Variants in C8A observed in about 807,000 individuals in gnomAD.
C8A encodes complement C8 alpha chain.
A neutral mutation model predicts 65.3 loss-of-function variants in C8A; 67 were observed. The observed-to-expected ratio is 1.03, with a 90% CI of 0.84 to 1.26. C8A has a LOEUF of 1.26. C8A is among the 50% of genes most tolerant of loss of function. The probability of loss-of-function intolerance (pLI) is 0.00; values close to 1 mark genes in which losing one functional copy is unlikely to be tolerated. For missense variants in C8A, 781 were observed against 723.9 expected (o/e 1.08, Z -0.90); for synonymous variants, 290 against 259.4 (o/e 1.12, Z -1.13).
rs1042194900 is a variant in C8A, at chr1:56,907,950, T to C, written c.1223-6T>C. ...GAGTTAATGCAGTTTATCCTCTTGA[T>C]GGCAGAAAGGGCCAGGAAGGCCATG... On this transcript the variant is annotated splice_polypyrimidine_tract_variant and splice_region_variant and intron_variant, in intron 8 of 10. Coordinates refer to ENST00000361249, the MANE Select transcript of C8A (RefSeq NM_000562.3). 2.5e-6 allele frequency: 4 copies of C among 1,614,030 alleles called. No homozygotes were observed. The highest frequency in any genetic ancestry group is 1.3e-5 in the African/African-American group (1 of 74,922).
chr1:56,879,940 C>G (rs372985076), intron 4 of C8A, among the ~76,000 whole-genome samples: 1 of 152,080 alleles, frequency 6.6e-6, no homozygotes, highest in African/African-American at 2.4e-5. Context: ...ACAATCATGA[C>G]GATCGCTATG....
intron 10 of C8A, among the ~76,000 whole-genome samples, chr1:56,917,264 T>C (rs1460306843): frequency 6.6e-6 from 1 of 152,218 alleles, no homozygotes; most frequent in African/African-American, 2.4e-5. Flanking sequence ...GGCAACAGGA[T>C]GGCCTTCCCT....
At chr1:56,868,666 T>C (rs1644114960) in intron 2 of C8A, among the ~76,000 whole-genome samples, 1 of 152,098 alleles carries the variant, frequency 6.6e-6, no homozygotes, top group Admixed American at 6.6e-5. Context: ...CTAGTCTGTT[T>C]TATTATTGTT....
intron 4 of C8A, among the ~76,000 whole-genome samples, chr1:56,880,107 A>G (rs1306849052): frequency 6.6e-6 from 1 of 152,188 alleles, no homozygotes; most frequent in East Asian, 1.9e-4. Flanking sequence ...TAACTACATT[A>G]TCTGCAACAT....
At chr1:56,859,789 C>T (rs1432516033) in intron 1 of C8A, among the ~76,000 whole-genome samples, 6 of 152,140 alleles carry the variant, frequency 3.9e-5, no homozygotes, top group Non-Finnish European at 4.4e-5. Flanking sequence ...ATTGTGGGTG[C>T]GGTGGCTCAC....
intron 6 of C8A, among the ~76,000 whole-genome samples, chr1:56,883,994 A>G (rs895610745): frequency 6.6e-6 from 1 of 151,466 alleles, no homozygotes; most frequent in Non-Finnish European, 1.5e-5. Flanking sequence ...AAACAGCCAG[A>G]CCCTCTAAAT....
At chr1:56,915,599 C>T (rs1025401927) in intron 10 of C8A, among the ~76,000 whole-genome samples, 7 of 152,172 alleles carry the variant, frequency 4.6e-5, no homozygotes, top group African/African-American at 1.7e-4. Flanking sequence ...ATAACTAAGC[C>T]TTATTAGTAA....
Position 56,906,771 on chromosome 1 carries a change from A to C in C8A, c.1201A>C (p.Lys401Gln), listed in dbSNP as rs779589404. 6.2e-7 allele frequency: 1 copy of C among 1,614,134 alleles called. No homozygotes were observed. The highest frequency in any genetic ancestry group is 8.5e-7 in the Non-Finnish European group (1 of 1,179,986). The change falls in exon 8 of 11, where the codon AAA becomes CAA. Residue 401 changes from lysine to glutamine, a missense_variant. By Grantham distance (53) the Lys-to-Gln change is moderately conservative. Transcript: ENST00000361249. ...AGGTTTATCAGGAGACCATTGTAAA[A>C]AATTTGGAGGTGGCAAAACTGGCAA... Reference protein sequence around the residue: ...GGGLSGDHCKKFGGGKTERAR... With the variant: ...GGGLSGDHCKQFGGGKTERAR...
chr1:56,865,688 A>G (rs1644079044), intron 1 of C8A, among the ~76,000 whole-genome samples: 1 of 152,226 alleles, frequency 6.6e-6, no homozygotes, highest in African/African-American at 2.4e-5. Flanking sequence ...TAAAAAATGC[A>G]GAGACCCTAT....
intron 10 of C8A, among the ~76,000 whole-genome samples, chr1:56,913,435 G>A (rs1348470277): frequency 6.6e-6 from 1 of 152,194 alleles, no homozygotes; most frequent in African/African-American, 2.4e-5. Flanking sequence ...TGAACCAACT[G>A]GTACCAGGGA....
At chr1:56,880,043 T>C (rs1644235574) in intron 4 of C8A, among the ~76,000 whole-genome samples, 1 of 152,190 alleles carries the variant, frequency 6.6e-6, no homozygotes, top group African/African-American at 2.4e-5. Flanking sequence ...GAAGGCAACA[T>C]TTGAGTTGGC....
intron 1 of C8A, among the ~76,000 whole-genome samples, chr1:56,858,695 A>G (rs1029574244): frequency 6.6e-6 from 1 of 152,230 alleles, no homozygotes; most frequent in African/African-American, 2.4e-5. Flanking sequence ...GTATTCAGGA[A>G]ACATGAATTT....
At chr1:56,916,973 G>T (rs978161147) in intron 10 of C8A, among the ~76,000 whole-genome samples, 1 of 152,152 alleles carries the variant, frequency 6.6e-6, no homozygotes. Flanking sequence ...CTCCAGGGAG[G>T]TGTCTGGCCA....
intron 7 of C8A, 125 bp from the exon 8 acceptor site, chr1:56,906,542 G>T: frequency 2.9e-6 from 3 of 1,045,362 alleles, no homozygotes; most frequent in Non-Finnish European, 4.4e-6. Flanking sequence ...AAAGAACCGG[G>T]CTTTCAACCC....
At chr1:56,916,604 C>T (rs1222595311) in intron 10 of C8A, among the ~76,000 whole-genome samples, 1 of 152,104 alleles carries the variant, frequency 6.6e-6, no homozygotes, top group African/African-American at 2.4e-5. Flanking sequence ...CTCAGAGCTG[C>T]CCCAGCAGAG....
intron 7 of C8A, among the ~76,000 whole-genome samples, chr1:56,894,673 C>T (rs1288977664): frequency 6.6e-6 from 1 of 152,178 alleles, no homozygotes; most frequent in East Asian, 1.9e-4. Flanking sequence ...TCCTCTTCCT[C>T]CTCCCTCCCT....
chr1:56,895,631 A>G (rs1644382248), intron 7 of C8A, among the ~76,000 whole-genome samples: 1 of 152,200 alleles, frequency 6.6e-6, no homozygotes, highest in Non-Finnish European at 1.5e-5. Context: ...TGTCACACAA[A>G]GTGTAGTTAA....
chr1:56,912,544 C>A lies in C8A; in HGVS notation c.1522C>A (p.Pro508Thr), dbSNP rs926368368. 1 of 1,614,170 alleles carries A rather than the reference C, an allele frequency of 6.2e-7. No homozygotes were observed. Among genetic ancestry groups the A allele is most frequent in the Non-Finnish European group, 8.5e-7 (1 of 1,180,016 alleles). The stretch of plus-strand genomic sequence containing the variant: ...TGGGCCTTGCTTCAACAATGGGGTG[C>A]CCATCCTCGAGGGCACCAGCTGCAG... ...RCGPCFNNGVPILEGTSCRCQ... is the reference protein window; with the variant it reads ...RCGPCFNNGVTILEGTSCRCQ... The change falls in exon 10 of 11, where the codon CCC becomes ACC. Residue 508 changes from proline (P) to threonine (T), a missense_variant. By Grantham distance (38) the Pro-to-Thr change is conservative (BLOSUM62 -1). Coordinates refer to ENST00000361249, the MANE Select transcript of C8A (RefSeq NM_000562.3).
At position 56,867,810 on chromosome 1, in the gene C8A, G is replaced by T. The variant is rs7339932; in HGVS notation, c.171+108G>T. The T allele has an allele frequency of 0.011, 8,783 of 815,036 alleles. 471 individuals are homozygous for T. In the African/African-American group the frequency reaches 0.13, roughly 12 times the overall value. The allele number at this position is 815,036 out of a possible 1,614,324, so 50.5% of individuals were successfully genotyped here. On this transcript the variant is annotated intron_variant, in intron 2 of 10. Coordinates refer to ENST00000361249, the MANE Select transcript of C8A (RefSeq NM_000562.3). Reference sequence around the variant, plus strand: ...ATGTCTAGGGGCCTGGGGAGAAATTGGGTCTAGAAATTGTTGTTTGAAATC... The same window carrying T: ...ATGTCTAGGGGCCTGGGGAGAAATTTGGTCTAGAAATTGTTGTTTGAAATC...
Sources: allele counts gnomAD v4.1 joint callset (sites outside exome capture counted in the v4.1 genomes callset), GRCh38; gene constraint gnomAD v4.1.1; transcripts MANE v1.5; gene names NCBI Gene and HGNC (gene_info 2026-07-23, HGNC 2026-07-21).